ZNF197: variants seen among roughly 807,000 people sequenced by gnomAD.
ZNF197 encodes the protein VHL-associated KRAB-A domain-containing protein.
In ZNF197, 14 loss-of-function variants were observed where a neutral mutation model predicts 27.4. The observed-to-expected ratio is 0.51, with a 90% CI of 0.34 to 0.80. The LOEUF is 0.80. Among genes scored for constraint, ZNF197 ranks in the 30% least tolerant of loss-of-function variants. ZNF197 has a pLI of 0.02. For missense variants in ZNF197, 1,090 were observed against 1,222.6 expected (o/e 0.89, Z 1.62); for synonymous variants, 415 against 420.0 (o/e 0.99, Z 0.15).
At position 44,642,554 on chromosome 3, in the gene ZNF197, G is replaced by A. The variant is rs181483016; in HGVS notation, c.1424G>A (p.Arg475His). Residue 475 changes from arginine to histidine, a missense_variant, in exon 6 of 6, where the codon CGC becomes CAC. By Grantham distance (29) the Arg-to-His change is conservative. Coordinates refer to ENST00000344387, the MANE Select transcript of ZNF197 (RefSeq NM_006991.5). ...TCAGGCCTAATTATACATCTAAGGC[G>A]CCATTCAGGGGAGAGACCTTATAAG... ...RHSGLIIHLR[R>H]HSGERPYKCN... 6.1e-5 allele frequency: 99 copies of A among 1,613,624 alleles called. No homozygotes were observed. In the Admixed American group the frequency reaches 8.7e-4, roughly 14 times the overall value.
chr3:44,634,248 C>T (rs1702156901), intron 5 of ZNF197, among the ~76,000 whole-genome samples: 1 of 152,092 alleles, frequency 6.6e-6, no homozygotes, highest in Admixed American at 6.6e-5. Flanking sequence ...TCATTTTACT[C>T]CTATTCATAT....
chr3:44,625,712 T>C (rs1447575110), intron 1 of ZNF197, among the ~76,000 whole-genome samples: 1 of 151,892 alleles, frequency 6.6e-6, no homozygotes, highest in Non-Finnish European at 1.5e-5. Context: ...ACTAAGACCG[T>C]AAACTCAGAA....
In ZNF197 at chr3:44,646,074, T is replaced by C. The variant is rs551344820; in HGVS notation, c.*1854T>C. On this transcript the variant is annotated 3_prime_UTR_variant, in exon 6 of 6. Coordinates refer to ENST00000344387, the MANE Select transcript of ZNF197 (RefSeq NM_006991.5). ...AGTTTCTTGGGGGCTGGTTCCTCATTAGAGTGAAAGGTAGCCAAGAGTGAA... is the reference window on the plus strand; with the variant it reads ...AGTTTCTTGGGGGCTGGTTCCTCATCAGAGTGAAAGGTAGCCAAGAGTGAA... 1 of 985,290 alleles carries C rather than the reference T, an allele frequency of 1.0e-6. No individual in the cohort carries two copies. Among genetic ancestry groups the C allele is most frequent in the Admixed American group, 6.1e-5 (1 of 16,282 alleles). The allele number at this position is 985,290 out of a possible 1,614,324, so 61.0% of individuals were successfully genotyped here.
At chr3:44,634,723 T>C (rs1299023349) in intron 5 of ZNF197, among the ~76,000 whole-genome samples, 1 of 152,254 alleles carries the variant, frequency 6.6e-6, no homozygotes, top group African/African-American at 2.4e-5. Context: ...GTGCTGGGAT[T>C]ATAGGCGTGA....
At chr3:44,625,497 A>C (rs1028389184) in intron 1 of ZNF197, among the ~76,000 whole-genome samples, 1 of 152,124 alleles carries the variant, frequency 6.6e-6, no homozygotes, top group Non-Finnish European at 1.5e-5. Flanking sequence ...CCACAGAAAC[A>C]TTCTGAGGTT....
Position 44,625,059 on chromosome 3 carries a change from G to T in ZNF197, c.-166G>T, listed in dbSNP as rs1389580995. The T allele has an allele frequency of 6.6e-6, 1 of 152,256 alleles. No individual in the cohort carries two copies. The highest frequency in any genetic ancestry group is 1.9e-4 in the East Asian group (1 of 5,190). 9.4% of individuals were successfully genotyped at this position (152,256 alleles called of 1,614,324 possible). On this transcript the variant is annotated 5_prime_UTR_variant, in exon 1 of 6. Transcript: ENST00000344387. ...GCCATTATTCTGTGCCTCGGCTGCC[G>T]GAAGGGCTCGTTCCTGTGTCATCTC...
chr3:44,635,409 CAG>C (rs1213059468), intron 5 of ZNF197, among the ~76,000 whole-genome samples: 1 of 152,082 alleles, frequency 6.6e-6, no homozygotes, highest in Non-Finnish European at 1.5e-5. Flanking sequence ...AAAATAGTCC[CAG>C]GTAACTATGA....
rs1702642028 is a variant in ZNF197 at position 44,642,140 on chromosome 3, CA to C, written c.1011del (p.Glu338ArgfsTer10). On this transcript the variant is annotated frameshift_variant, in exon 6 of 6. Coordinates refer to ENST00000344387, the MANE Select transcript of ZNF197 (RefSeq NM_006991.5). LOFTEE classifies it low-confidence loss of function (END_TRUNC). ...CERDKKKRTP[P>X]EKQGQKWKEL... The stretch of plus-strand genomic sequence containing the variant: ...CGAGACAAGAAGAAAAGGACTCCAC[CA>C]GAGAAACAAGGCCAAAAGTGGAAGG... 6.2e-7 allele frequency: 1 copy of C among 1,614,048 alleles called. No individual in the cohort carries two copies. The highest frequency in any genetic ancestry group is 8.5e-7 in the Non-Finnish European group (1 of 1,179,978).
intron 2 of ZNF197, 119 bp downstream of exon 2, chr3:44,629,663 G>T: frequency 3.9e-6 from 5 of 1,276,902 alleles, no homozygotes; most frequent in Non-Finnish European, 5.2e-6. Context: ...TAGCACACTA[G>T]CAACCTTAAT....
chr3:44,629,012 G>A, intron 1 of ZNF197, 62 bp from the exon 2 acceptor site: 1 of 1,267,500 alleles, frequency 7.9e-7, no homozygotes, highest in Non-Finnish European at 1.1e-6. Context: ...GCTGACTGGG[G>A]CCTGGAAAGC....
rs1237065273 is a variant in ZNF197, at chr3:44,645,898, A to G, written c.*1678A>G. Reference sequence around the variant, plus strand: ...TACATTTGTGGGTTTAACTCAGTCTATATTCTTAAGTTGGTAATTTTTATG... The same window carrying G: ...TACATTTGTGGGTTTAACTCAGTCTGTATTCTTAAGTTGGTAATTTTTATG... On this transcript the variant is annotated 3_prime_UTR_variant, in exon 6 of 6. Transcript: ENST00000344387. 1.4e-5 allele frequency: 14 copies of G among 985,302 alleles called. No homozygotes were observed. Among genetic ancestry groups the G allele is most frequent in the African/African-American group, 3.5e-5 (2 of 57,232 alleles). 61.0% of individuals were successfully genotyped at this position (985,302 alleles called of 1,614,324 possible). A position where few individuals can be genotyped will look rare whatever the true frequency, so the allele number is the denominator to read the frequency against.
chr3:44,644,090 A>G lies in ZNF197; in HGVS notation c.2960A>G (p.Glu987Gly). Residue 987 changes from glutamate (E) to glycine (G), a missense_variant, in exon 6 of 6, where the codon GAA (glutamate) becomes GGA (glycine). Glu to Gly is a moderately conservative substitution (Grantham distance 98, BLOSUM62 -2). Transcript: ENST00000344387. Reference protein sequence around the residue: ...QKIHTDEKPCECDVSEKEFSQ... With the variant: ...QKIHTDEKPCGCDVSEKEFSQ... ...ATCCACACAGATGAAAAACCTTGTG[A>G]ATGTGATGTGTCTGAAAAAGAATTC... 6.2e-7 allele frequency: 1 copy of G among 1,614,164 alleles called. No homozygotes were observed. The highest frequency in any genetic ancestry group is 8.5e-7 in the Non-Finnish European group (1 of 1,180,016).
chr3:44,634,475 A>G (rs536412087), intron 5 of ZNF197, among the ~76,000 whole-genome samples: 121 of 150,068 alleles, frequency 8.1e-4, no homozygotes, highest in Middle Eastern at 3.5e-3. Context: ...TTTGAGATGG[A>G]GTTTCCACTT....
At position 44,642,245 on chromosome 3, in the gene ZNF197, G is replaced by A. The variant is rs746888796; in HGVS notation, c.1115G>A (p.Cys372Tyr). The change falls in exon 6 of 6, where the codon TGT becomes TAT. Residue 372 changes from cysteine to tyrosine, a missense_variant. By Grantham distance (194) the Cys-to-Tyr change is radical (BLOSUM62 -2). Coordinates refer to ENST00000344387, the MANE Select transcript of ZNF197 (RefSeq NM_006991.5). ...ACTGAAGGAAAGAAGTTTTATAAAT[G>A]TGATATGTGTTGTAAACATTTTAAT... The part of the protein sequence containing the change: ...IGTEGKKFYK[C>Y]DMCCKHFNKI... 2.5e-6 allele frequency: 4 copies of A among 1,614,022 alleles called. No individual in the cohort carries two copies. In the South Asian group the frequency reaches 4.4e-5, roughly 18 times the overall value.
At chr3:44,632,075 T>A in intron 3 of ZNF197, 30 bp from the exon 4 acceptor site, 1 of 1,603,574 alleles carries the variant, frequency 6.2e-7, no homozygotes. Context: ...GGTTTGTAGG[T>A]CCCATATGCA....
intron 2 of ZNF197, 169 bp from the exon 3 acceptor site, chr3:44,630,893 C>A: frequency 2.2e-6 from 2 of 910,486 alleles, no homozygotes; most frequent in Non-Finnish European, 3.5e-6. Context: ...TCGAGGGCAG[C>A]TCCATTGTTC....
chr3:44,629,506 G>A lies in ZNF197; in HGVS notation c.352G>A (p.Glu118Lys), dbSNP rs1183519399. The change falls in exon 2 of 6, where the codon GAG becomes AAG. Residue 118 changes from glutamate (E) to lysine (K), a missense_variant. By Grantham distance (56) the Glu-to-Lys change is moderately conservative. Coordinates refer to ENST00000344387, the MANE Select transcript of ZNF197 (RefSeq NM_006991.5). The part of the protein sequence containing the change: ...GSGEEAVALV[E>K]ELQKDLDGPA... ...TGGCGAGGAGGCTGTGGCCCTGGTAGAGGAGCTGCAGAAAGACCTTGATGG... is the reference window on the plus strand; with the variant it reads ...TGGCGAGGAGGCTGTGGCCCTGGTAAAGGAGCTGCAGAAAGACCTTGATGG... The A allele has an allele frequency of 6.3e-7, 1 of 1,587,932 alleles. No individual in the cohort carries two copies. The highest frequency in any genetic ancestry group is 1.4e-5 in the African/African-American group (1 of 73,982).
In ZNF197 at chr3:44,631,154, A is replaced by G; in HGVS notation, c.483A>G (p.Ile161Met). Residue 161 changes from isoleucine (I) to methionine (M), a missense_variant, in exon 3 of 6, where the codon ATA becomes ATG. Coordinates refer to ENST00000344387, the MANE Select transcript of ZNF197 (RefSeq NM_006991.5). The stretch of plus-strand genomic sequence containing the variant: ...CTCCTGTACTTCCTGGCAGCCACAT[A>G]GCAGCTGAAATTTGCCCGCATCCTC... ...TLPPVLPGSHIAAEICPHPPT... is the reference protein window; with the variant it reads ...TLPPVLPGSHMAAEICPHPPT... The G allele has an allele frequency of 1.9e-6, 3 of 1,614,118 alleles. No individual in the cohort carries two copies. Among genetic ancestry groups the G allele is most frequent in the South Asian group, 1.1e-5 (1 of 91,078 alleles).
At chr3:44,629,576 G>C in intron 2 of ZNF197, 32 bp downstream of exon 2, 1 of 1,517,588 alleles carries the variant, frequency 6.6e-7, no homozygotes, top group Non-Finnish European at 8.8e-7. Flanking sequence ...GGTGGGTGTT[G>C]GGATGAAAGG....
Sources: gnomAD v4.1 joint callset for allele counts (sites outside exome capture counted in the v4.1 genomes callset) on GRCh38, gnomAD v4.1.1 for gene constraint, MANE v1.5 for transcripts, NCBI Gene and HGNC (gene_info 2026-07-23, HGNC 2026-07-21) for gene names.